The following SKIC3 variants were observed in gnomAD, a reference collection of about 807,000 sequenced individuals.
SKIC3 encodes the protein superkiller complex protein 3.
the SKIC3 span, chr5:95,525,615 T>C: frequency 4.1e-5 from 66 of 1,614,054 alleles, no homozygotes; most frequent in South Asian, 6.8e-4. Context: ...TGAACCTTTG[T>C]TCCGATAGGC....
chr5:95,472,366 T>C, the SKIC3 span, among the ~76,000 whole-genome samples: 1 of 152,212 alleles, frequency 6.6e-6, no homozygotes, highest in Non-Finnish European at 1.5e-5. Context: ...TCTAAAACGC[T>C]AGCAATTCTC....
At chr5:95,468,079 C>T in the SKIC3 span, 1 of 1,521,380 alleles carries the variant, frequency 6.6e-7, no homozygotes, top group South Asian at 1.2e-5. Context: ...TTATCTTTCT[C>T]ATATTTTTGC....
At chr5:95,516,623 T>G in the SKIC3 span, 1 of 1,613,212 alleles carries the variant, frequency 6.2e-7, no homozygotes, top group African/African-American at 1.3e-5. Flanking sequence ...TGAACTTTGT[T>G]TGAAATACAC....
At chr5:95,492,655 A>G in the SKIC3 span, among the ~76,000 whole-genome samples, 61 of 56,954 alleles carry the variant, frequency 1.1e-3, no homozygotes, top group African/African-American at 0.013. Context: ...AAAAAAAGAA[A>G]AAAAAAAAAA....
chr5:95,510,293 A>G, the SKIC3 span, among the ~76,000 whole-genome samples: 1 of 152,256 alleles, frequency 6.6e-6, no homozygotes, highest in African/African-American at 2.4e-5. Context: ...TCCTGGGCAC[A>G]GGCTAAACTA....
At chr5:95,466,663 A>G in the SKIC3 span, among the ~76,000 whole-genome samples, 2 of 152,344 alleles carry the variant, frequency 1.3e-5, 1 homozygote, top group South Asian at 4.1e-4. Flanking sequence ...GTGACAATTC[A>G]TGCATGGACA....
the SKIC3 span, chr5:95,547,153 T>C: frequency 6.2e-7 from 1 of 1,612,516 alleles, no homozygotes; most frequent in Non-Finnish European, 8.5e-7. Flanking sequence ...CTGGACATTC[T>C]GTCAAGGCAG....
the SKIC3 span, chr5:95,515,018 A>C: frequency 3.3e-5 from 39 of 1,181,646 alleles, no homozygotes; most frequent in East Asian, 5.2e-5. Context: ...CAAACCTCTC[A>C]TCATAAATAT....
the SKIC3 span, chr5:95,484,947 T>C: frequency 1.6e-5 from 20 of 1,285,688 alleles, no homozygotes; most frequent in Non-Finnish European, 2.1e-5. Context: ...TTATCATCCA[T>C]ACACAGTTTT....
chr5:95,488,245 G>T, the SKIC3 span, among the ~76,000 whole-genome samples: 2 of 152,180 alleles, frequency 1.3e-5, no homozygotes, highest in Admixed American at 1.3e-4. Flanking sequence ...TAATTATTTT[G>T]TTTAAAAAAA....
At chr5:95,488,262 A>T in the SKIC3 span, among the ~76,000 whole-genome samples, 3 of 152,218 alleles carry the variant, frequency 2.0e-5, no homozygotes, top group Admixed American at 6.5e-5. Context: ...AAAACTATTT[A>T]ACAAAATAAT....
the SKIC3 span, among the ~76,000 whole-genome samples, chr5:95,506,035 C>A: frequency 6.6e-6 from 1 of 152,070 alleles, no homozygotes; most frequent in Non-Finnish European, 1.5e-5. Context: ...TATAAAACAT[C>A]AAAACTAAAA....
chr5:95,479,798 T>G, the SKIC3 span, among the ~76,000 whole-genome samples: 20 of 151,562 alleles, frequency 1.3e-4, no homozygotes, highest in African/African-American at 4.4e-4. Context: ...ACTACTGCAT[T>G]TGGAAATGCA....
At chr5:95,493,089 TC>T in the SKIC3 span, among the ~76,000 whole-genome samples, 2 of 152,192 alleles carry the variant, frequency 1.3e-5, no homozygotes, top group African/African-American at 4.8e-5. Context: ...AGTTCTAAAT[TC>T]TTGTAATTAT....
the SKIC3 span, among the ~76,000 whole-genome samples, chr5:95,492,392 T>G: frequency 1.3e-5 from 2 of 151,382 alleles, no homozygotes; most frequent in Admixed American, 1.3e-4. Flanking sequence ...ATCCCAGCAC[T>G]TTGGGAGGCC....
At chr5:95,541,051 C>T in the SKIC3 span, among the ~76,000 whole-genome samples, 1 of 152,170 alleles carries the variant, frequency 6.6e-6, no homozygotes, top group African/African-American at 2.4e-5. Context: ...ACCACAACAT[C>T]TGCCTCCTGG....
At chr5:95,548,297 T>C in the SKIC3 span, among the ~76,000 whole-genome samples, 1 of 151,994 alleles carries the variant, frequency 6.6e-6, no homozygotes, top group Non-Finnish European at 1.5e-5. Flanking sequence ...ACACTGACAG[T>C]CCTTTATATC....
chr5:95,533,429 G>A, the SKIC3 span, among the ~76,000 whole-genome samples: 2 of 152,040 alleles, frequency 1.3e-5, no homozygotes, highest in African/African-American at 4.8e-5. Flanking sequence ...ACTGAAAGTC[G>A]GGTTTAGAGG....
At chr5:95,525,362 T>TG in the SKIC3 span, 9 of 1,573,250 alleles carry the variant, frequency 5.7e-6, no homozygotes, top group Non-Finnish European at 7.9e-6. Flanking sequence ...AGAACTAAGA[T>TG]GTAAATGGTT....
Sources: gnomAD v4.1 joint callset for allele counts (sites outside exome capture counted in the v4.1 genomes callset) on GRCh38, gnomAD v4.1.1 for gene constraint, MANE v1.5 for transcripts, NCBI Gene and HGNC (gene_info 2026-07-23, HGNC 2026-07-21) for gene names.